The following NCKAP1 variants were observed in gnomAD, a reference collection of about 807,000 sequenced individuals.
The protein encoded by NCKAP1 is nck-associated protein 1.
A neutral mutation model predicts 151.2 loss-of-function variants in NCKAP1; 21 were observed. The ratio of observed to expected loss-of-function variants is 0.14; its 90% CI spans 0.10 to 0.20. The LOEUF is 0.20. Among genes scored for constraint, NCKAP1 ranks in the 10% least tolerant of loss-of-function variants. The pLI is 1.00. For synonymous variants in NCKAP1, 484 were observed against 451.8 expected (o/e 1.07, Z -0.90); for missense variants, 933 against 1,352.1 (o/e 0.69, Z 4.86).
At chr2:182,975,511 A>C (rs186432532) in intron 15 of NCKAP1, among the ~76,000 whole-genome samples, 60 of 152,342 alleles carry the variant, frequency 3.9e-4, no homozygotes, top group African/African-American at 1.4e-3. Flanking sequence ...CCTGAGAGTC[A>C]TTCCTGAGAC....
At chr2:183,009,783 A>G (rs776948134) in intron 2 of NCKAP1, among the ~76,000 whole-genome samples, 30 of 152,296 alleles carry the variant, frequency 2.0e-4, no homozygotes, top group Non-Finnish European at 4.1e-4. Flanking sequence ...CATTTTCCAG[A>G]TACAGAAACA....
intron 1 of NCKAP1, among the ~76,000 whole-genome samples, chr2:183,032,772 T>A (rs1367537786): frequency 1.3e-5 from 2 of 152,156 alleles, no homozygotes; most frequent in African/African-American, 4.8e-5. Flanking sequence ...ATCAGCCAGG[T>A]GCGGTAGCTT....
intron 2 of NCKAP1, among the ~76,000 whole-genome samples, chr2:183,016,457 G>A (rs1247013875): frequency 6.6e-6 from 1 of 152,124 alleles, no homozygotes; most frequent in Non-Finnish European, 1.5e-5. Flanking sequence ...CTTTTTAAAA[G>A]AACATTGACA....
At chr2:182,974,164 C>G (rs1026912403) in intron 15 of NCKAP1, among the ~76,000 whole-genome samples, 3 of 151,128 alleles carry the variant, frequency 2.0e-5, no homozygotes, top group Non-Finnish European at 4.4e-5. Flanking sequence ...TGCCTGCTAC[C>G]TTGCACTTTT....
At position 182,924,153 on chromosome 2, in the gene NCKAP1, C is replaced by A. The variant is rs553046156; in HGVS notation, c.*1549G>T. 1 of 152,120 alleles carries A rather than the reference C, an allele frequency of 6.6e-6. No homozygotes were observed. Among genetic ancestry groups the A allele is most frequent in the Admixed American group, 6.6e-5 (1 of 15,258 alleles). The allele number at this position is 152,120 out of a possible 1,614,324, so 9.4% of individuals were successfully genotyped here. A position where few individuals can be genotyped will look rare whatever the true frequency, so the allele number is the denominator to read the frequency against. ...CCCTTTTTAAAAAATCTTTATGGAACAAGTACAATTTTTCGACAGATAGTG... is the reference window on the plus strand; with the variant it reads ...CCCTTTTTAAAAAATCTTTATGGAAAAAGTACAATTTTTCGACAGATAGTG... On this transcript the variant is annotated 3_prime_UTR_variant, in exon 31 of 31. Transcript: ENST00000361354.
chr2:183,003,980 T>C (rs1046575158), intron 2 of NCKAP1, among the ~76,000 whole-genome samples: 6 of 152,168 alleles, frequency 3.9e-5, no homozygotes, highest in Non-Finnish European at 4.4e-5. Context: ...AAAGTCCCAA[T>C]TTTTCTTTTA....
chr2:183,021,579 C>T (rs1215077871), intron 2 of NCKAP1, among the ~76,000 whole-genome samples: 1 of 152,194 alleles, frequency 6.6e-6, no homozygotes, highest in Non-Finnish European at 1.5e-5. Flanking sequence ...CCACTGCATT[C>T]TACCCTGGGT....
At chr2:182,940,966 T>C (rs1696983833) in intron 24 of NCKAP1, among the ~76,000 whole-genome samples, 2 of 152,208 alleles carry the variant, frequency 1.3e-5, no homozygotes, top group Non-Finnish European at 2.9e-5. Context: ...CAGGATAAAA[T>C]AGCCTAATAA....
chr2:183,012,185 T>A (rs767726311), intron 2 of NCKAP1, among the ~76,000 whole-genome samples: 3 of 152,102 alleles, frequency 2.0e-5, no homozygotes, highest in Admixed American at 6.5e-5. Context: ...GGCAATAACA[T>A]GAAAAGGGTA....
intron 26 of NCKAP1, among the ~76,000 whole-genome samples, chr2:182,932,121 A>T (rs561269998): frequency 2.0e-5 from 3 of 152,338 alleles, no homozygotes; most frequent in Admixed American, 2.0e-4. Flanking sequence ...CTCTCCTGGT[A>T]TATATTCAAG....
intron 23 of NCKAP1, among the ~76,000 whole-genome samples, chr2:182,945,096 G>A (rs1040542224): frequency 4.6e-5 from 7 of 152,190 alleles, no homozygotes; most frequent in Admixed American, 4.6e-4. Context: ...TTAGCAAGGC[G>A]TGGTGGCAGG....
chr2:182,988,639 C>A (rs1448705952), intron 9 of NCKAP1, among the ~76,000 whole-genome samples: 1 of 152,176 alleles, frequency 6.6e-6, no homozygotes, highest in Non-Finnish European at 1.5e-5. Context: ...ATCCAATTAA[C>A]TATTTTTTAT....
chr2:182,939,402 G>A (rs887511067), intron 24 of NCKAP1, among the ~76,000 whole-genome samples: 1 of 152,092 alleles, frequency 6.6e-6, no homozygotes, highest in African/African-American at 2.4e-5. Context: ...GGTAGTGCAT[G>A]CCTGTAGTCC....
chr2:182,951,084 G>A (rs749642450), intron 23 of NCKAP1, among the ~76,000 whole-genome samples: 1 of 151,650 alleles, frequency 6.6e-6, no homozygotes, highest in Non-Finnish European at 1.5e-5. Flanking sequence ...CCCCCACCTC[G>A]GCCTCCCAAA....
At chr2:182,926,691 G>A in intron 30 of NCKAP1, 125 bp downstream of exon 30, 1 of 575,874 alleles carries the variant, frequency 1.7e-6, no homozygotes, top group South Asian at 2.5e-5. Context: ...TTTTAGAAAG[G>A]TGTGGCTTAC....
intron 2 of NCKAP1, chr2:183,022,739 C>T (rs1698818746): frequency 6.6e-6 from 1 of 152,228 alleles, no homozygotes; most frequent in Admixed American, 6.5e-5. Flanking sequence ...TTAGTTCTTA[C>T]TAGCATTTTC....
intron 2 of NCKAP1, among the ~76,000 whole-genome samples, chr2:183,010,133 T>C (rs1193515003): frequency 2.0e-5 from 3 of 152,258 alleles, no homozygotes; most frequent in Admixed American, 6.5e-5. Flanking sequence ...CCATGCCTCC[T>C]TGCAATAGAA....
intron 8 of NCKAP1, among the ~76,000 whole-genome samples, chr2:182,992,779 T>A (rs958303399): frequency 2.6e-5 from 4 of 152,174 alleles, no homozygotes; most frequent in Non-Finnish European, 4.4e-5. Context: ...TATCAGTCCA[T>A]AATGAGACTA....
At chr2:182,936,100 TA>T (rs995279370) in intron 24 of NCKAP1, among the ~76,000 whole-genome samples, 1 of 150,378 alleles carries the variant, frequency 6.6e-6, no homozygotes. Context: ...CTACAAAAAA[TA>T]AAAAAAAATC....
Sources: allele counts gnomAD v4.1 joint callset (sites outside exome capture counted in the v4.1 genomes callset), GRCh38; gene constraint gnomAD v4.1.1; transcripts MANE v1.5; gene names NCBI Gene and HGNC (gene_info 2026-07-23, HGNC 2026-07-21).